NRXN1: variants seen among roughly 807,000 people sequenced by gnomAD.
NRXN1 encodes the protein neurexin-1.
Under a neutral mutation model 150.9 loss-of-function variants are expected in NRXN1, and 39 were observed. The ratio of observed to expected loss-of-function variants is 0.26; its 90% confidence interval spans 0.20 to 0.34. NRXN1 has a LOEUF of 0.34. NRXN1 is among the 10% of genes least tolerant of loss of function. The pLI is 1.00. For missense variants in NRXN1, 1,815 were observed against 1,949.9 expected (o/e 0.93, Z 1.30); for synonymous variants, 924 against 757.0 (o/e 1.22, Z -3.62).
chr2:50,499,602 A>C (rs1206763177), intron 13 of NRXN1, among the ~76,000 whole-genome samples: 1 of 152,148 alleles, frequency 6.6e-6, no homozygotes, highest in Admixed American at 6.5e-5. Context: ...TAAAGCTCTA[A>C]AGACACCAGC....
chr2:50,045,388 G>C (rs940985905), intron 21 of NRXN1, among the ~76,000 whole-genome samples: 3 of 152,040 alleles, frequency 2.0e-5, no homozygotes, highest in African/African-American at 4.8e-5. Flanking sequence ...TGTTGCCCAA[G>C]CTGGAGTGCA....
At chr2:50,837,669 G>T (rs1672302368) in intron 5 of NRXN1, among the ~76,000 whole-genome samples, 1 of 151,972 alleles carries the variant, frequency 6.6e-6, no homozygotes, top group Non-Finnish European at 1.5e-5. Flanking sequence ...AAGAAAGAAA[G>T]AAAATTTGTA....
At position 49,920,865 on chromosome 2, in the gene NRXN1, CA is replaced by C. The variant is rs1292258859; in HGVS notation, c.*1078del. On this transcript the variant is annotated 3_prime_UTR_variant, in exon 23 of 23. Coordinates refer to ENST00000401669, the MANE Select transcript of NRXN1 (RefSeq NM_001330078.2). ...TACAAGTACTAAAACTTAATTGCAA[CA>C]GAATGAAGGCTGTACATATAAGAAA... 1.3e-5 allele frequency: 2 copies of C among 152,524 alleles called. No homozygotes were observed. Among genetic ancestry groups the C allele is most frequent in the African/African-American group, 4.8e-5 (2 of 41,418 alleles). 9.4% of individuals were successfully genotyped at this position (152,524 alleles called of 1,614,324 possible).
intron 8 of NRXN1, among the ~76,000 whole-genome samples, chr2:50,586,717 C>T (rs1166905014): frequency 1.3e-5 from 2 of 152,102 alleles, no homozygotes; most frequent in Non-Finnish European, 2.9e-5. Flanking sequence ...TGTTTCTCTA[C>T]CATTACCCTA....
chr2:49,973,914 T>C, intron 21 of NRXN1: 2 of 699,858 alleles, frequency 2.9e-6, no homozygotes, highest in Admixed American at 4.2e-5. Context: ...TCTTAAACCC[T>C]GCATGCTGCA....
chr2:50,214,851 G>A (rs935966006), intron 18 of NRXN1, among the ~76,000 whole-genome samples: 7 of 151,910 alleles, frequency 4.6e-5, no homozygotes, highest in African/African-American at 1.4e-4. Flanking sequence ...TGTTTCATTC[G>A]ATCTTCAGAA....
At chr2:50,322,636 T>C (rs1475200995) in intron 17 of NRXN1, among the ~76,000 whole-genome samples, 2 of 152,224 alleles carry the variant, frequency 1.3e-5, no homozygotes, top group Non-Finnish European at 2.9e-5. Context: ...CATTCATTCC[T>C]TGCCTTCACC....
At chr2:50,447,323 T>C (rs2104499258) in intron 17 of NRXN1, among the ~76,000 whole-genome samples, 1 of 151,084 alleles carries the variant, frequency 6.6e-6, no homozygotes, top group East Asian at 2.0e-4. Flanking sequence ...TTAATAAAAA[T>C]ACATAAATTA....
chr2:50,687,052 G>A (rs547693747), intron 5 of NRXN1, among the ~76,000 whole-genome samples: 2 of 152,272 alleles, frequency 1.3e-5, no homozygotes, highest in East Asian at 1.9e-4. Context: ...CAAATTGAAA[G>A]AGAACACATC....
chr2:50,703,182 A>G (rs183735126), intron 5 of NRXN1, among the ~76,000 whole-genome samples: 1 of 152,274 alleles, frequency 6.6e-6, no homozygotes, highest in Admixed American at 6.5e-5. Flanking sequence ...ACAAACAGTT[A>G]TAAGAACATC....
chr2:50,888,175 A>C (rs1164197764), intron 5 of NRXN1, among the ~76,000 whole-genome samples: 1 of 151,556 alleles, frequency 6.6e-6, no homozygotes, highest in African/African-American at 2.4e-5. Flanking sequence ...TTCAAGAAAA[A>C]TGATATCAAT....
chr2:50,696,426 C>A (rs959834388), intron 5 of NRXN1, among the ~76,000 whole-genome samples: 2 of 152,078 alleles, frequency 1.3e-5, no homozygotes, highest in Admixed American at 1.3e-4. Context: ...GAAAAGAAAA[C>A]CTGTCTTACA....
chr2:50,491,292 G>C (rs921829329), intron 15 of NRXN1, among the ~76,000 whole-genome samples: 3 of 152,174 alleles, frequency 2.0e-5, no homozygotes, highest in African/African-American at 4.8e-5. Context: ...TTCAGGATTG[G>C]AGAGGGCAGG....
intron 19 of NRXN1, among the ~76,000 whole-genome samples, chr2:50,064,948 TA>T (rs1335245305): frequency 6.6e-6 from 1 of 152,146 alleles, no homozygotes; most frequent in Non-Finnish European, 1.5e-5. Context: ...TCTGGACTTT[TA>T]AGACCTCACT....
chr2:50,783,955 C>T (rs758284443), intron 5 of NRXN1, among the ~76,000 whole-genome samples: 4 of 152,104 alleles, frequency 2.6e-5, no homozygotes, highest in Non-Finnish European at 4.4e-5. Flanking sequence ...TTCCACTTTT[C>T]TCAAAGCTAC....
chr2:50,297,964 T>C (rs897545804), intron 17 of NRXN1, among the ~76,000 whole-genome samples: 4 of 152,188 alleles, frequency 2.6e-5, no homozygotes, highest in East Asian at 1.9e-4. Context: ...TAGTCCAATG[T>C]GGCTCAGGGT....
At chr2:50,128,803 C>T (rs1396122835) in intron 18 of NRXN1, among the ~76,000 whole-genome samples, 7 of 151,526 alleles carry the variant, frequency 4.6e-5, no homozygotes, top group South Asian at 2.1e-4. Context: ...GCCAACATGG[C>T]GAAACCACAT....
At chr2:51,029,884 A>G (rs1431510960) in intron 1 of NRXN1, among the ~76,000 whole-genome samples, 1 of 152,092 alleles carries the variant, frequency 6.6e-6, no homozygotes, top group East Asian at 1.9e-4. Flanking sequence ...ATTTTGCCTA[A>G]AAGTGTAGAT....
chr2:50,210,002 T>C (rs2062897683), intron 18 of NRXN1, among the ~76,000 whole-genome samples: 1 of 152,000 alleles, frequency 6.6e-6, no homozygotes, highest in Non-Finnish European at 1.5e-5. Context: ...CTCTCAACTC[T>C]CTAACAGTAT....
Sources: allele counts gnomAD v4.1 joint callset (sites outside exome capture counted in the v4.1 genomes callset), GRCh38; gene constraint gnomAD v4.1.1; transcripts MANE v1.5; gene names NCBI Gene and HGNC (gene_info 2026-07-23, HGNC 2026-07-21).